PRKAG2: variants seen among roughly 807,000 people sequenced by gnomAD.
PRKAG2 encodes 5'-AMP-activated protein kinase subunit gamma-2.
Under a neutral mutation model 69.6 loss-of-function variants are expected in PRKAG2, and 26 were observed. The observed-to-expected ratio is 0.37, with a 90% confidence interval of 0.27 to 0.52. PRKAG2 has a LOEUF of 0.52. PRKAG2 is among the 20% of genes least tolerant of loss of function. PRKAG2 has a pLI of 0.90. For missense variants in PRKAG2, 557 were observed against 740.0 expected, an observed-to-expected ratio of 0.75 and a Z score of 2.87; for synonymous variants, 293 against 285.0, an observed-to-expected ratio of 1.03 and a Z score of -0.28.
chr7:151,773,025 G>GAAAGACAGAA (rs762104825), intron 3 of PRKAG2, among the ~76,000 whole-genome samples: 21 of 40,044 alleles, frequency 5.2e-4, no homozygotes, highest in Non-Finnish European at 7.2e-4. Context: ...AAGAAAGAAA[G>GAAAGACAGAA]AGAGAGAGAG....
intron 1 of PRKAG2, among the ~76,000 whole-genome samples, chr7:151,825,863 T>C (rs1434283838): frequency 6.6e-6 from 1 of 152,170 alleles, no homozygotes; most frequent in Non-Finnish European, 1.5e-5. Flanking sequence ...AGCCTAAGGC[T>C]TCTTCACTCC....
chr7:151,807,051 C>T lies in PRKAG2; in HGVS notation c.115-20510G>A, dbSNP rs78150542. 0.057 allele frequency: 25,263 copies of T among 440,648 alleles called. 955 individuals carry two copies. The highest frequency in any genetic ancestry group is 0.1 in the African/African-American group (4,962 of 49,016). 27.3% of individuals were successfully genotyped at this position (440,648 alleles called of 1,614,324 possible). On this transcript the variant is annotated intron_variant, in intron 1 of 15. Coordinates refer to ENST00000287878, the MANE Select transcript of PRKAG2 (RefSeq NM_016203.4). The surrounding 1 kb of genome is among the most constrained non-coding windows in gnomAD (Gnocchi z 4.4). The stretch of plus-strand genomic sequence containing the variant: ...GATACACAAAGGTAAGACATGGACC[C>T]ACCCTCAAGTCTGAAGGTGGAGGTG...
chr7:151,716,427 T>C (rs766638662), intron 3 of PRKAG2, among the ~76,000 whole-genome samples: 86 of 152,316 alleles, frequency 5.6e-4, no homozygotes, highest in Non-Finnish European at 1.1e-3. Context: ...GGTCCGTATG[T>C]GGACTCCCAA....
chr7:151,863,459 G>A lies in PRKAG2; in HGVS notation c.114+13048C>T, dbSNP rs959624261. On this transcript the variant is annotated intron_variant, in intron 1 of 15. Coordinates refer to ENST00000287878, the MANE Select transcript of PRKAG2 (RefSeq NM_016203.4). ...TCCAAGGGGTCAGCTGAGGCCTTTGGTGTGAATGCTTCATCGCCCTTCCCC... is the reference window on the plus strand; with the variant it reads ...TCCAAGGGGTCAGCTGAGGCCTTTGATGTGAATGCTTCATCGCCCTTCCCC... Among the ~76,000 whole-genome samples, 67 of 152,222 alleles carry A rather than the reference G, an allele frequency of 4.4e-4. 1 individual carries two copies. The highest frequency in any genetic ancestry group is 1.5e-3 in the African/African-American group (62 of 41,518).
At chr7:151,704,177 C>T (rs1252741380) in intron 3 of PRKAG2, among the ~76,000 whole-genome samples, 1 of 152,166 alleles carries the variant, frequency 6.6e-6, no homozygotes, top group African/African-American at 2.4e-5. Flanking sequence ...TATCCATCCT[C>T]TCAAGCATTT....
intron 3 of PRKAG2, among the ~76,000 whole-genome samples, chr7:151,715,204 C>CG (rs1795972345): frequency 6.8e-6 from 1 of 147,804 alleles, no homozygotes; most frequent in African/African-American, 2.5e-5. Flanking sequence ...TTAGTAGAGA[C>CG]GGGGTTTCGC....
intron 3 of PRKAG2, among the ~76,000 whole-genome samples, chr7:151,721,376 A>AGGGCCAGGGCCAGGGCCG (rs1226983671): frequency 6.6e-6 from 1 of 151,258 alleles, no homozygotes; most frequent in Non-Finnish European, 1.5e-5. Context: ...GGCTGAAGAC[A>AGGGCCAGGGCCAGGGCCG]GGGCCAGGGC....
chr7:151,792,406 A>G (rs533039969), intron 1 of PRKAG2, among the ~76,000 whole-genome samples: 1 of 152,234 alleles, frequency 6.6e-6, no homozygotes, highest in Admixed American at 6.5e-5. Flanking sequence ...CCGGCCCGCT[A>G]CTTATCCCAA....
At chr7:151,646,126 G>A (rs1460460254) in intron 4 of PRKAG2, among the ~76,000 whole-genome samples, 2 of 152,130 alleles carry the variant, frequency 1.3e-5, no homozygotes, top group East Asian at 3.8e-4. Flanking sequence ...TTAAAATCAG[G>A]TAGTGGACAT....
chr7:151,766,970 T>C (rs970904520), intron 3 of PRKAG2, among the ~76,000 whole-genome samples: 4 of 152,122 alleles, frequency 2.6e-5, no homozygotes, highest in Admixed American at 2.0e-4. Context: ...CGTGACCTCA[T>C]GTGGAAGTAG....
intron 5 of PRKAG2, among the ~76,000 whole-genome samples, chr7:151,595,982 T>A (rs1459631098): frequency 1.3e-5 from 2 of 151,764 alleles, no homozygotes; most frequent in Non-Finnish European, 2.9e-5. Flanking sequence ...CCAGCCTGGG[T>A]GGCATAGCAA....
intron 3 of PRKAG2, among the ~76,000 whole-genome samples, chr7:151,718,569 T>TC (rs1796540655): frequency 7.9e-6 from 1 of 127,226 alleles, no homozygotes; most frequent in African/African-American, 3.1e-5. Flanking sequence ...CCCACCAAAG[T>TC]CCCCAGTAAA....
chr7:151,854,981 ATG>A (rs1563756276), intron 1 of PRKAG2, among the ~76,000 whole-genome samples: 42 of 22,124 alleles, frequency 1.9e-3, no homozygotes, highest in Admixed American at 6.0e-3. Context: ...CACACACACC[ATG>A]CTCCACACAC....
chr7:151,670,359 T>C lies in PRKAG2; in HGVS notation c.684+5061A>G, dbSNP rs76010616. On this transcript the variant is annotated intron_variant, in intron 4 of 15. Coordinates refer to ENST00000287878, the MANE Select transcript of PRKAG2 (RefSeq NM_016203.4). ...TTCCTTTCAATTTTACCTTCAAAAT[T>C]GCCCTCTACTTTTAAACACGATTCC... Among the ~76,000 whole-genome samples, 9 of 152,316 alleles carry C rather than the reference T, an allele frequency of 5.9e-5. No individual in the cohort carries two copies. In the East Asian group the frequency reaches 1.7e-3, roughly 29 times the overall value.
intron 4 of PRKAG2, among the ~76,000 whole-genome samples, chr7:151,665,014 C>A (rs748610568): frequency 6.6e-6 from 1 of 152,208 alleles, no homozygotes; most frequent in South Asian, 2.1e-4. Context: ...GATGCTAATC[C>A]AAGGCCATGC....
chr7:151,632,674 G>A lies in PRKAG2; in HGVS notation c.685-536C>T, dbSNP rs1824970347. ...GGCTGGAGGCTGCAGAACGCCCCGG[G>A]GCGCCAGCTAGGGGATCCTTTCTCG... On this transcript the variant is annotated intron_variant, in intron 4 of 15. Coordinates refer to ENST00000287878, the MANE Select transcript of PRKAG2 (RefSeq NM_016203.4). The surrounding 1 kb of genome is among the most constrained non-coding windows in gnomAD (Gnocchi z 4.2). 2 of 900,822 alleles carry A rather than the reference G, an allele frequency of 2.2e-6. No homozygotes were observed. Among genetic ancestry groups the A allele is most frequent in the Non-Finnish European group, 2.7e-6 (2 of 752,644 alleles). 55.8% of individuals were successfully genotyped at this position (900,822 alleles called of 1,614,324 possible). A position where few individuals can be genotyped will look rare whatever the true frequency, so the allele number is the denominator to read the frequency against.
At chr7:151,575,311 A>G (rs1405458744) in intron 7 of PRKAG2, among the ~76,000 whole-genome samples, 1 of 152,212 alleles carries the variant, frequency 6.6e-6, no homozygotes, top group African/African-American at 2.4e-5. Flanking sequence ...AAACGTGACA[A>G]TTCTGGGCAC....
chr7:151,792,398 G>A (rs147115301), intron 1 of PRKAG2, among the ~76,000 whole-genome samples: 2 of 152,078 alleles, frequency 1.3e-5, no homozygotes, highest in South Asian at 2.1e-4. Flanking sequence ...TCCTGCCCCC[G>A]GCCCGCTACT....
intron 1 of PRKAG2, among the ~76,000 whole-genome samples, chr7:151,789,556 C>A (rs1425339677): frequency 6.9e-6 from 1 of 145,498 alleles, no homozygotes; most frequent in African/African-American, 2.9e-5. Context: ...ATCACGTCAG[C>A]CCCCTGCTAA....
Sources: gnomAD v4.1 joint callset for allele counts (sites outside exome capture counted in the v4.1 genomes callset) on GRCh38, gnomAD v4.1.1 for gene constraint, Gnocchi (gnomAD v3.1) non-coding constraint, MANE v1.5 for transcripts, NCBI Gene and HGNC (gene_info 2026-07-23, HGNC 2026-07-21) for gene names.